CCBE1: variants seen among roughly 807,000 people sequenced by gnomAD.
The protein encoded by CCBE1 is collagen and calcium-binding EGF domain-containing protein 1.
A neutral mutation model predicts 50.0 loss-of-function variants in CCBE1; 37 were observed. The ratio of observed to expected loss-of-function variants is 0.74; its 90% CI spans 0.57 to 0.97. The LOEUF is 0.97. CCBE1 is among the 50% of genes least tolerant of loss of function. The pLI is 0.00. For synonymous variants in CCBE1, 234 were observed against 203.7 expected (o/e 1.15, Z -1.27); for missense variants, 538 against 523.8 (o/e 1.03, Z -0.26).
intron 2 of CCBE1, among the ~76,000 whole-genome samples, chr18:59,653,962 G>A (rs1382700594): frequency 6.6e-6 from 1 of 152,142 alleles, no homozygotes; most frequent in Non-Finnish European, 1.5e-5. Context: ...ACTGATGCTA[G>A]AGATATTTAT....
chr18:59,484,189 G>A (rs552784048), intron 2 of CCBE1, among the ~76,000 whole-genome samples: 4 of 152,130 alleles, frequency 2.6e-5, no homozygotes, highest in African/African-American at 7.2e-5. Context: ...AAAATTTTAC[G>A]GTTATTCCTT....
At chr18:59,544,524 G>T (rs1915607741) in intron 2 of CCBE1, among the ~76,000 whole-genome samples, 1 of 152,178 alleles carries the variant, frequency 6.6e-6, no homozygotes, top group Non-Finnish European at 1.5e-5. Flanking sequence ...TGTATTGCAG[G>T]TGCTCTAAAC....
At chr18:59,690,864 AAC>A (rs1484065258) in intron 2 of CCBE1, among the ~76,000 whole-genome samples, 1 of 152,218 alleles carries the variant, frequency 6.6e-6, no homozygotes, top group African/African-American at 2.4e-5. Context: ...GGCACAATTA[AAC>A]ACACAGGCAG....
rs8094428 is a variant in CCBE1, at chr18:59,629,597, T to G, written c.212+67032A>C. 6.7e-3 allele frequency among the ~76,000 whole-genome samples: 1,024 copies of G among 151,796 alleles called. 6 individuals carry two copies. Among genetic ancestry groups the G allele is most frequent in the African/African-American group, 0.023 (935 of 41,340 alleles). ...CATGAATACATGATTAAGAAAGGAG[T>G]GGTAACGGGAAGTTATATCATCTCA... is the stretch of plus-strand genomic sequence containing the variant. On this transcript the variant is annotated intron_variant, in intron 2 of 10. Coordinates refer to ENST00000439986, the MANE Select transcript of CCBE1 (RefSeq NM_133459.4).
intron 2 of CCBE1, among the ~76,000 whole-genome samples, chr18:59,536,285 T>A (rs897629851): frequency 3.3e-5 from 5 of 152,262 alleles, no homozygotes; most frequent in African/African-American, 1.2e-4. Flanking sequence ...AGCATCCGCA[T>A]AGAGCCTGGA....
At chr18:59,483,265 A>AT (rs1912661956) in intron 2 of CCBE1, among the ~76,000 whole-genome samples, 1 of 152,166 alleles carries the variant, frequency 6.6e-6, no homozygotes, top group African/African-American at 2.4e-5. Flanking sequence ...TAAGATCATT[A>AT]TTTTCTACTC....
At chr18:59,459,891 G>T (rs1445808315) in intron 5 of CCBE1, among the ~76,000 whole-genome samples, 3 of 152,180 alleles carry the variant, frequency 2.0e-5, no homozygotes, top group Admixed American at 2.0e-4. Flanking sequence ...GTTGAGAACC[G>T]CTGATCTATG....
At chr18:59,690,966 A>T (rs2054723007) in intron 2 of CCBE1, among the ~76,000 whole-genome samples, 1 of 152,256 alleles carries the variant, frequency 6.6e-6, no homozygotes, top group Middle Eastern at 3.2e-3. Context: ...GTTACACATT[A>T]GCAATTAAAG....
chr18:59,596,154 C>T (rs2053347310), intron 2 of CCBE1, among the ~76,000 whole-genome samples: 1 of 152,150 alleles, frequency 6.6e-6, no homozygotes. Context: ...ACTTTCCTCT[C>T]ATCCCTATAA....
At chr18:59,552,451 A>G (rs1200946360) in intron 2 of CCBE1, among the ~76,000 whole-genome samples, 1 of 152,218 alleles carries the variant, frequency 6.6e-6, no homozygotes, top group Admixed American at 6.5e-5. Flanking sequence ...TGTCAAGATT[A>G]TATGTCTTAA....
rs75580902 is a variant in CCBE1, at chr18:59,453,484, C to T, written c.654+1367G>A. Among the ~76,000 whole-genome samples the T allele has an allele frequency of 0.015, 2,245 of 152,296 alleles. 123 individuals carry two copies. The East Asian group carries it at 0.21, about 14-fold the overall frequency. The stretch of plus-strand genomic sequence containing the variant: ...GGTTAAATCTATGTTTTATTCATAA[C>T]TATCCATCAGATATATACATGTTTC... On this transcript the variant is annotated intron_variant, in intron 6 of 10. Coordinates refer to ENST00000439986, the MANE Select transcript of CCBE1 (RefSeq NM_133459.4).
intron 2 of CCBE1, among the ~76,000 whole-genome samples, chr18:59,650,017 C>T (rs1395457929): frequency 6.6e-6 from 1 of 152,056 alleles, no homozygotes; most frequent in African/African-American, 2.4e-5. Context: ...TGGGGGAGCA[C>T]AGGTGAGCCA....
rs189949232 is a variant in CCBE1 at position 59,581,633 on chromosome 18, G to A, written c.213-101395C>T. On this transcript the variant is annotated intron_variant, in intron 2 of 10. Transcript: ENST00000439986. ...TAACCTAAGGAAAAGAAGAATAAAA[G>A]GGGGCTTTCTGGTTTCTCCAAATAC... Among the ~76,000 whole-genome samples, 948 of 152,184 alleles carry A rather than the reference G, an allele frequency of 6.2e-3. 35 individuals are homozygous for A. Among genetic ancestry groups the A allele is most frequent in the Admixed American group, 0.057 (865 of 15,270 alleles).
intron 2 of CCBE1, among the ~76,000 whole-genome samples, chr18:59,686,887 A>G (rs2054661594): frequency 6.6e-6 from 1 of 152,238 alleles, no homozygotes; most frequent in Non-Finnish European, 1.5e-5. Context: ...TGTTGATATT[A>G]CATTGTAAGT....
intron 2 of CCBE1, among the ~76,000 whole-genome samples, chr18:59,615,860 A>T (rs575327225): frequency 1.3e-5 from 2 of 152,224 alleles, no homozygotes; most frequent in East Asian, 3.8e-4. Flanking sequence ...AAGAATAAGA[A>T]GGTTGAAAGT....
chr18:59,554,181 C>G (rs1916027789), intron 2 of CCBE1, among the ~76,000 whole-genome samples: 1 of 152,128 alleles, frequency 6.6e-6, no homozygotes. Flanking sequence ...GAGATGGAGT[C>G]TCGCTATGTT....
intron 2 of CCBE1, among the ~76,000 whole-genome samples, chr18:59,505,963 G>A (rs908357973): frequency 2.6e-5 from 4 of 152,220 alleles, no homozygotes; most frequent in East Asian, 1.9e-4. Context: ...GAACCATGGC[G>A]GCAGGTGCAG....
Position 59,625,430 on chromosome 18 carries a change from CAAAAAA to C in CCBE1, c.212+71193_212+71198del, listed in dbSNP as rs750324482. On this transcript the variant is annotated intron_variant, in intron 2 of 10. Coordinates refer to ENST00000439986, the MANE Select transcript of CCBE1 (RefSeq NM_133459.4). ...TGGGCTACAGAGTGAGATTCTGTCT[CAAAAAA>C]AAAAAAAAAAAAAAAAAATTGTAGC... is the stretch of plus-strand genomic sequence containing the variant. 4.9e-3 allele frequency among the ~76,000 whole-genome samples: 345 copies of C among 69,910 alleles called. 10 individuals carry two copies. In the East Asian group the frequency reaches 0.07, roughly 14 times the overall value. 45.9% of individuals were successfully genotyped at this position (69,910 alleles called of 152,430 possible). A position where few individuals can be genotyped will look rare whatever the true frequency, so the allele number is the denominator to read the frequency against.
Position 59,469,580 on chromosome 18 carries a change from C to A in CCBE1, c.293G>T (p.Cys98Phe), listed in dbSNP as rs1487519669. The A allele has an allele frequency of 6.2e-7, 1 of 1,614,192 alleles. No homozygotes were observed. The highest frequency in any genetic ancestry group is 1.1e-5 in the South Asian group (1 of 91,082). The change falls in exon 4 of 11, where the codon TGT (cysteine) becomes TTT (phenylalanine). Residue 98 changes from cysteine (C) to phenylalanine (F), a missense_variant. Transcript: ENST00000439986. Reference sequence around the variant, plus strand: ...AAAGTTGTCCGTGCACTGCTGTTCACAGGGAGCCTCGGCACAAACGTCGTA... The same window carrying A: ...AAAGTTGTCCGTGCACTGCTGTTCAAAGGGAGCCTCGGCACAAACGTCGTA... ...EDYDVCAEAP[C>F]EQQCTDNFGR...
Sources: allele counts gnomAD v4.1 joint callset (sites outside exome capture counted in the v4.1 genomes callset), GRCh38; gene constraint gnomAD v4.1.1; transcripts MANE v1.5; gene names NCBI Gene and HGNC (gene_info 2026-07-23, HGNC 2026-07-21).